The following SIPA1L3 variants were observed in gnomAD, a reference collection of about 807,000 sequenced individuals.
The protein encoded by SIPA1L3 is signal-induced proliferation-associated 1-like protein 3.
SIPA1L3 carries 59 observed loss-of-function variants against 150.1 expected under a neutral mutation model. That is an observed-to-expected ratio of 0.39 (90% CI 0.32 to 0.49). The LOEUF (loss-of-function observed/expected upper bound fraction) is 0.49. Ranked by LOEUF, SIPA1L3 falls within the 20% of genes least tolerant of loss-of-function variation. The pLI, the probability that SIPA1L3 is intolerant of heterozygous loss-of-function variation, is 0.86. For missense variants in SIPA1L3, 2,211 were observed against 2,489.5 expected, an observed-to-expected ratio of 0.89 and a Z score of 2.38; for synonymous variants, 1,070 against 1,077.6, an observed-to-expected ratio of 0.99 and a Z score of 0.14.
intron 15 of SIPA1L3, among the ~76,000 whole-genome samples, chr19:38,165,798 A>G (rs898149008): frequency 6.6e-6 from 1 of 152,026 alleles, no homozygotes; most frequent in Admixed American, 6.6e-5. Flanking sequence ...GTTTCGTTCT[A>G]TTCACCAGGC....
chr19:38,140,212 A>T (rs1282556617), intron 10 of SIPA1L3, among the ~76,000 whole-genome samples: 1 of 152,106 alleles, frequency 6.6e-6, no homozygotes, highest in Non-Finnish European at 1.5e-5. Flanking sequence ...AGCTGCCAGG[A>T]GGTGGATTTC....
At chr19:38,043,220 A>T (rs917894052) in intron 2 of SIPA1L3, among the ~76,000 whole-genome samples, 1 of 152,180 alleles carries the variant, frequency 6.6e-6, no homozygotes, top group South Asian at 2.1e-4. Flanking sequence ...CATACCTGTA[A>T]TCCCAGCTAC....
intron 1 of SIPA1L3, among the ~76,000 whole-genome samples, chr19:37,988,455 C>T (rs1202180026): frequency 6.6e-6 from 1 of 152,124 alleles, no homozygotes; most frequent in Non-Finnish European, 1.5e-5. Context: ...GCGGGTGGAT[C>T]ACCTGAGGTC....
chr19:38,144,755 G>T (rs1301601261), intron 12 of SIPA1L3, among the ~76,000 whole-genome samples: 1 of 152,182 alleles, frequency 6.6e-6, no homozygotes, highest in Admixed American at 6.5e-5. Context: ...GTCAGCCCTT[G>T]CTGACTGTGA....
chr19:37,910,072 T>A (rs2046365743), intron 1 of SIPA1L3, among the ~76,000 whole-genome samples: 1 of 151,954 alleles, frequency 6.6e-6, no homozygotes, highest in Non-Finnish European at 1.5e-5. Flanking sequence ...GACATTGCAG[T>A]TGTTAGGTGG....
At chr19:38,120,579 AAAT>A (rs1439466032) in intron 9 of SIPA1L3, among the ~76,000 whole-genome samples, 3 of 152,236 alleles carry the variant, frequency 2.0e-5, no homozygotes, top group Non-Finnish European at 4.4e-5. Flanking sequence ...GAGGAGGAAA[AAAT>A]ACAAGAAAGC....
intron 8 of SIPA1L3, among the ~76,000 whole-genome samples, chr19:38,115,563 T>C (rs573611841): frequency 6.6e-6 from 1 of 152,176 alleles, no homozygotes; most frequent in Non-Finnish European, 1.5e-5. Flanking sequence ...CCGTGTGGCC[T>C]TGCCCCTGGT....
intron 1 of SIPA1L3, among the ~76,000 whole-genome samples, chr19:37,911,636 C>T (rs1415822336): frequency 2.6e-5 from 4 of 151,564 alleles, no homozygotes; most frequent in Admixed American, 6.6e-5. Flanking sequence ...TCAGCCTCTC[C>T]GAGTAGCTGG....
At chr19:38,001,104 GA>G (rs1360948002) in intron 1 of SIPA1L3, among the ~76,000 whole-genome samples, 3 of 150,556 alleles carry the variant, frequency 2.0e-5, no homozygotes, top group Admixed American at 2.0e-4. Flanking sequence ...TCATAAACAG[GA>G]AAAATGTTAA....
At chr19:38,187,650 G>A (rs530441295) in intron 16 of SIPA1L3, among the ~76,000 whole-genome samples, 5 of 146,290 alleles carry the variant, frequency 3.4e-5, no homozygotes, top group African/African-American at 1.3e-4. Flanking sequence ...CCCAGGGGGC[G>A]GAGCCTGCAG....
chr19:37,983,615 A>G (rs1270603039), intron 1 of SIPA1L3, among the ~76,000 whole-genome samples: 1 of 152,032 alleles, frequency 6.6e-6, no homozygotes, highest in East Asian at 1.9e-4. Flanking sequence ...TCCAAAAAAG[A>G]TTGCTCAGAC....
Position 38,206,988 on chromosome 19 carries a change from C to A in SIPA1L3, c.*748C>A, listed in dbSNP as rs530560632. 6.6e-6 allele frequency: 1 copy of A among 152,252 alleles called. No homozygotes were observed. Among genetic ancestry groups the A allele is most frequent in the Admixed American group, 6.5e-5 (1 of 15,286 alleles). 9.4% of individuals were successfully genotyped at this position (152,252 alleles called of 1,614,324 possible). On this transcript the variant is annotated 3_prime_UTR_variant, in exon 22 of 22. Transcript: ENST00000222345. ...GATCTTTTTCTATCAGCTCCTCTTC[C>A]GCCAGAGGCCACTGCACCTGGGCTA...
rs567313774 is a variant in SIPA1L3 at position 38,009,792 on chromosome 19, C to A, written c.-378-19297C>A. Among the ~76,000 whole-genome samples, 3 of 152,190 alleles carry A rather than the reference C, an allele frequency of 2.0e-5. No homozygotes were observed. The East Asian group carries it at 5.8e-4, about 29-fold the overall frequency. Reference sequence around the variant, plus strand: ...CGTTGCCACACTGCTTCCCCATCTGCTTTGGGGATTTTCCCAGTGACCAGG... The same window carrying A: ...CGTTGCCACACTGCTTCCCCATCTGATTTGGGGATTTTCCCAGTGACCAGG... On this transcript the variant is annotated intron_variant, in intron 1 of 21. Transcript: ENST00000222345.
chr19:37,924,267 A>G (rs2145487617), intron 1 of SIPA1L3, among the ~76,000 whole-genome samples: 1 of 152,128 alleles, frequency 6.6e-6, no homozygotes, highest in Admixed American at 6.5e-5. Flanking sequence ...CCTCCACAGG[A>G]TCATTAGTAT....
chr19:38,067,047 G>A (rs1969610262), intron 2 of SIPA1L3, among the ~76,000 whole-genome samples: 1 of 151,762 alleles, frequency 6.6e-6, no homozygotes, highest in Non-Finnish European at 1.5e-5. Flanking sequence ...GACCAGCCTG[G>A]GCAACGTAGC....
chr19:38,146,934 C>T (rs1971713354), intron 12 of SIPA1L3, among the ~76,000 whole-genome samples: 1 of 152,134 alleles, frequency 6.6e-6, no homozygotes, highest in African/African-American at 2.4e-5. Flanking sequence ...TCTAAGAGTT[C>T]TTTGGACATT....
chr19:38,106,808 G>A lies in SIPA1L3; in HGVS notation c.2133+168G>A, dbSNP rs184912175. ...TTAGAGAGCAGCCCAGGTGTGGTTC[G>A]AGATGTCACTTTGGCCCCAGTCTTT... On this transcript the variant is annotated intron_variant, in intron 7 of 21. Transcript: ENST00000222345. 1.2e-3 allele frequency among the ~76,000 whole-genome samples: 179 copies of A among 152,328 alleles called. 1 individual carries two copies. Among genetic ancestry groups the A allele is most frequent in the African/African-American group, 2.2e-3 (91 of 41,576 alleles).
chr19:38,122,171 A>T (rs1313736598), intron 9 of SIPA1L3, among the ~76,000 whole-genome samples: 4 of 151,928 alleles, frequency 2.6e-5, no homozygotes, highest in African/African-American at 9.7e-5. Context: ...CAGTGAGCTG[A>T]GAGTGAGCCA....
chr19:38,069,668 ATTT>A (rs752939354), intron 2 of SIPA1L3, among the ~76,000 whole-genome samples: 12 of 150,906 alleles, frequency 8.0e-5, no homozygotes, highest in Non-Finnish European at 1.6e-4. Context: ...ATTTTTTTTT[ATTT>A]TTTATTTTTG....
Sources: allele counts gnomAD v4.1 joint callset (sites outside exome capture counted in the v4.1 genomes callset), GRCh38; gene constraint gnomAD v4.1.1; transcripts MANE v1.5; gene names NCBI Gene and HGNC (gene_info 2026-07-23, HGNC 2026-07-21).